The following IPCEF1 variants were observed in gnomAD, a reference collection of about 807,000 sequenced individuals.
IPCEF1 encodes the protein interaction protein for cytohesin exchange factors 1, also known as interactor protein for cytohesin exchange factors 1.
A neutral mutation model predicts 50.9 loss-of-function variants in IPCEF1; 31 were observed. That is an observed-to-expected ratio of 0.61 (90% CI 0.46 to 0.82). IPCEF1 has a LOEUF of 0.82. IPCEF1 is among the 40% of genes least tolerant of loss of function. The probability of loss-of-function intolerance (pLI) is 0.00; values close to 1 mark genes in which losing one functional copy is unlikely to be tolerated. For synonymous variants in IPCEF1, 181 were observed against 192.0 expected (o/e 0.94, Z 0.47); for missense variants, 458 against 514.0 (o/e 0.89, Z 1.05).
At chr6:154,331,010 C>G (rs1284752853) in intron 1 of IPCEF1, among the ~76,000 whole-genome samples, 1 of 152,106 alleles carries the variant, frequency 6.6e-6, no homozygotes, top group Non-Finnish European at 1.5e-5. Context: ...GTTAGTCTCT[C>G]TAAAATAATA....
chr6:154,186,328 T>A (rs187721490), intron 10 of IPCEF1, among the ~76,000 whole-genome samples: 1 of 152,232 alleles, frequency 6.6e-6, no homozygotes, highest in African/African-American at 2.4e-5. Context: ...CTTGAAATCA[T>A]CTTTGACTTC....
intron 1 of IPCEF1, among the ~76,000 whole-genome samples, chr6:154,307,727 T>G (rs546972844): frequency 6.7e-4 from 102 of 152,370 alleles, no homozygotes; most frequent in African/African-American, 2.5e-3. Context: ...GATCTGCATT[T>G]AATGTGAAAA....
At chr6:154,288,676 C>CAAAAAAAAAAAAAAAAAAAA (rs558703057) in intron 2 of IPCEF1, among the ~76,000 whole-genome samples, 9 of 46,844 alleles carry the variant, frequency 1.9e-4, no homozygotes, top group Non-Finnish European at 3.0e-4. Flanking sequence ...ACAAAAAAAA[C>CAAAAAAAAAAAAAAAAAAAA]AAAAAAAAAA....
intron 10 of IPCEF1, among the ~76,000 whole-genome samples, chr6:154,176,619 G>A (rs1326355990): frequency 1.3e-5 from 2 of 152,158 alleles, no homozygotes; most frequent in Non-Finnish European, 2.9e-5. Flanking sequence ...CAAGGGATAT[G>A]AAGGACCTCC....
At chr6:154,229,788 T>C (rs1779581191) in intron 5 of IPCEF1, among the ~76,000 whole-genome samples, 1 of 152,234 alleles carries the variant, frequency 6.6e-6, no homozygotes, top group Admixed American at 6.5e-5. Context: ...TATAACAGCT[T>C]TATTCATAGT....
Position 154,204,618 on chromosome 6 carries a change from C to T in IPCEF1, c.538-4578G>A, listed in dbSNP as rs144708160. Among the ~76,000 whole-genome samples the T allele has an allele frequency of 1.1e-3, 167 of 152,220 alleles. 1 individual carries two copies. The highest frequency in any genetic ancestry group is 3.6e-3 in the African/African-American group (150 of 41,532). On this transcript the variant is annotated intron_variant, in intron 9 of 11. Transcript: ENST00000367220. ...GCATGACCTTGGGCAATGTGCTGAC[C>T]GAAGATCTACTCATCACTGTGATCC... is the stretch of plus-strand genomic sequence containing the variant.
At position 154,156,280 on chromosome 6, in the gene IPCEF1, C is replaced by T. The variant is rs1798710006; in HGVS notation, c.*3548G>A. On this transcript the variant is annotated 3_prime_UTR_variant, in exon 12 of 12. Transcript: ENST00000367220. ...TTAGGTTTCAAATGGAGAATTTAGC[C>T]AAACAGCCACCAGGGCCAGCCGTAT... 6.6e-6 allele frequency: 1 copy of T among 152,234 alleles called. No homozygotes were observed. The highest frequency in any genetic ancestry group is 6.5e-5 in the Admixed American group (1 of 15,288). 9.4% of individuals were successfully genotyped at this position (152,234 alleles called of 1,614,324 possible).
Position 154,199,851 on chromosome 6 carries a change from C to T in IPCEF1, c.727G>A (p.Val243Met), listed in dbSNP as rs1361728860. 2 of 1,614,088 alleles carry T rather than the reference C, an allele frequency of 1.2e-6. No homozygotes were observed. The highest frequency in any genetic ancestry group is 8.5e-7 in the Non-Finnish European group (1 of 1,180,038). ...EDEGQPITFA[V>M]QVHSPVPSEA... ...GAGGGTACAGGTGAATGAACTTGCA[C>T]AGCAAACGTTATTGGTTGTCCCTCA... The change falls in exon 10 of 12, where the codon GTG becomes ATG. Residue 243 changes from valine (V) to methionine (M), a missense_variant. By Grantham distance (21) the Val-to-Met change is conservative (BLOSUM62 1). Coordinates refer to ENST00000367220, the MANE Select transcript of IPCEF1 (RefSeq NM_001130700.2).
intron 3 of IPCEF1, among the ~76,000 whole-genome samples, chr6:154,260,499 G>GTCTC (rs986941297): frequency 2.8e-5 from 4 of 144,172 alleles, no homozygotes; most frequent in African/African-American, 1.0e-4. Context: ...TTGAGATGGA[G>GTCTC]TCTCTCTCTA....
At chr6:154,297,155 C>T (rs1782685847) in intron 1 of IPCEF1, among the ~76,000 whole-genome samples, 2 of 152,218 alleles carry the variant, frequency 1.3e-5, no homozygotes, top group Middle Eastern at 6.8e-3. Flanking sequence ...CCTCCTGCCT[C>T]AGCCTCACTG....
intron 5 of IPCEF1, among the ~76,000 whole-genome samples, chr6:154,234,971 C>A (rs545646409): frequency 6.6e-6 from 1 of 152,164 alleles, no homozygotes; most frequent in Non-Finnish European, 1.5e-5. Context: ...TTTAAAACCC[C>A]AAATGTGCTA....
At chr6:154,250,458 G>A (rs1781310087) in intron 3 of IPCEF1, among the ~76,000 whole-genome samples, 1 of 152,134 alleles carries the variant, frequency 6.6e-6, no homozygotes, top group Admixed American at 6.5e-5. Flanking sequence ...CTAAAGTTGA[G>A]GGGAAATTTT....
intron 5 of IPCEF1, among the ~76,000 whole-genome samples, chr6:154,235,771 G>A (rs181529625): frequency 6.6e-6 from 1 of 152,244 alleles, no homozygotes; most frequent in Admixed American, 6.5e-5. Context: ...ATATGGAAAT[G>A]GCCAATAAGC....
intron 2 of IPCEF1, among the ~76,000 whole-genome samples, chr6:154,270,527 G>A (rs897376587): frequency 3.3e-5 from 5 of 152,166 alleles, no homozygotes; most frequent in African/African-American, 1.2e-4. Flanking sequence ...ATATTTATCT[G>A]TTTTATTCAA....
intron 2 of IPCEF1, among the ~76,000 whole-genome samples, chr6:154,267,847 G>A (rs984748372): frequency 6.6e-6 from 1 of 152,238 alleles, no homozygotes; most frequent in Non-Finnish European, 1.5e-5. Flanking sequence ...AGGTCCTGAA[G>A]CTCTCAGCAG....
intron 7 of IPCEF1, among the ~76,000 whole-genome samples, chr6:154,215,589 A>G (rs571297506): frequency 2.0e-5 from 3 of 152,148 alleles, no homozygotes; most frequent in Non-Finnish European, 4.4e-5. Context: ...CTGGGCAACA[A>G]GAGCGAAACT....
intron 3 of IPCEF1, among the ~76,000 whole-genome samples, chr6:154,249,638 G>A (rs1781287473): frequency 6.6e-6 from 1 of 152,120 alleles, no homozygotes; most frequent in African/African-American, 2.4e-5. Flanking sequence ...GGAGGGCAGC[G>A]ATGGGATCAG....
chr6:154,182,438 C>G (rs1057035508), intron 10 of IPCEF1, among the ~76,000 whole-genome samples: 1 of 152,122 alleles, frequency 6.6e-6, no homozygotes, highest in African/African-American at 2.4e-5. Context: ...GACTCCATTG[C>G]TCAACTATCT....
intron 2 of IPCEF1, among the ~76,000 whole-genome samples, chr6:154,283,565 T>C (rs1782283058): frequency 1.3e-5 from 2 of 152,070 alleles, no homozygotes; most frequent in African/African-American, 2.4e-5. Flanking sequence ...GCCACTGCAC[T>C]CCAGCCTGGG....
Sources: allele counts gnomAD v4.1 joint callset (sites outside exome capture counted in the v4.1 genomes callset), GRCh38; gene constraint gnomAD v4.1.1; transcripts MANE v1.5; gene names NCBI Gene and HGNC (gene_info 2026-07-23, HGNC 2026-07-21).